The following C8orf74 variants were observed in gnomAD, a reference collection of about 807,000 sequenced individuals.
C8orf74 encodes the protein chromosome 8 open reading frame 74.
Under a neutral mutation model 22.2 loss-of-function variants are expected in C8orf74, and 29 were observed. The observed-to-expected ratio is 1.31, with a 90% CI of 0.97 to 1.78. C8orf74 has a LOEUF of 1.78. Among genes scored for constraint, C8orf74 ranks in the 40% most tolerant of loss-of-function variants. The pLI is 0.00. For missense variants in C8orf74, 515 were observed against 369.9 expected, an observed-to-expected ratio of 1.39 and a Z score of -3.22; for synonymous variants, 255 against 163.1, an observed-to-expected ratio of 1.56 and a Z score of -4.30.
Position 10,700,459 on chromosome 8 carries a change from G to A in C8orf74, c.873G>A (p.Lys291=), listed in dbSNP as rs1217143020. ...GAGCGAGCAAAGGAAAGAAAGCGAA[G>A]GCAAGGAAGTAGAAGGTCCCGACTG... ...PQRASKGKKA[K]ARK The change falls in exon 4 of 4, where the codon AAG becomes AAA. Residue 291 remains lysine, a synonymous_variant. Transcript: ENST00000304519. The A allele has an allele frequency of 1.3e-6, 2 of 1,582,680 alleles. No individual in the cohort carries two copies. Among genetic ancestry groups the A allele is most frequent in the Non-Finnish European group, 1.7e-6 (2 of 1,164,852 alleles).
intron 2 of C8orf74, chr8:10,690,796 CT>C: frequency 2.2e-6 from 1 of 449,288 alleles, no homozygotes; most frequent in Non-Finnish European, 4.5e-6. Context: ...GTGCTGACAT[CT>C]GCCTAGCAAG....
At chr8:10,689,486 C>T (rs928348102) in intron 2 of C8orf74, 2 of 152,102 alleles carry the variant, frequency 1.3e-5, no homozygotes, top group African/African-American at 4.8e-5. Flanking sequence ...ATTTAATCTC[C>T]CTGGATCCAA....
chr8:10,686,795 AAG>A (rs1799270116), intron 2 of C8orf74: 1 of 171,990 alleles, frequency 5.8e-6, no homozygotes, highest in Non-Finnish European at 1.3e-5. Context: ...AGTGGGGAGA[AAG>A]AGGATAAAGC....
Position 10,700,379 on chromosome 8 carries a change from A to AAACCCCCCCC in C8orf74, c.793_794insAACCCCCCCC (p.Ile265LysfsTer58). 1 of 1,592,234 alleles carries AAACCCCCCCC rather than the reference A, an allele frequency of 6.3e-7. No individual in the cohort carries two copies. The highest frequency in any genetic ancestry group is 8.6e-7 in the Non-Finnish European group (1 of 1,165,982). On this transcript the variant is annotated frameshift_variant, in exon 4 of 4. Coordinates refer to ENST00000304519, the MANE Select transcript of C8orf74 (RefSeq NM_001040032.2). LOFTEE classifies it low-confidence loss of function (END_TRUNC). ...TCTGAACCTCAACGCCCCCACCCCTATCCCGCCCCCCATCACCAGCCACGC... is the reference window on the plus strand; with the variant it reads ...TCTGAACCTCAACGCCCCCACCCCTAAACCCCCCCCTCCCGCCCCCCATCACCAGCCACGC...
chr8:10,694,345 A>G (rs964165210), intron 2 of C8orf74, among the ~76,000 whole-genome samples: 9 of 152,192 alleles, frequency 5.9e-5, no homozygotes, highest in African/African-American at 2.2e-4. Flanking sequence ...TAAACTGAAA[A>G]GTATCTGAGA....
chr8:10,677,062 T>C (rs1218616017), intron 2 of C8orf74, among the ~76,000 whole-genome samples: 1 of 152,126 alleles, frequency 6.6e-6, no homozygotes, highest in East Asian at 1.9e-4. Flanking sequence ...TCTCATGGAC[T>C]CACCAACTGA....
intron 2 of C8orf74, among the ~76,000 whole-genome samples, chr8:10,687,748 G>A (rs1163815755): frequency 6.6e-6 from 1 of 151,906 alleles, no homozygotes; most frequent in Non-Finnish European, 1.5e-5. Flanking sequence ...GCACAAATTA[G>A]GAATAACTTA....
At chr8:10,696,436 C>CTTT (rs1799501441) in intron 2 of C8orf74, among the ~76,000 whole-genome samples, 3 of 130,786 alleles carry the variant, frequency 2.3e-5, no homozygotes, top group Admixed American at 7.4e-5. Flanking sequence ...CTTTTCTTTT[C>CTTT]TTTTCTTTTT....
At chr8:10,685,557 C>T (rs1203935512) in intron 2 of C8orf74, among the ~76,000 whole-genome samples, 2 of 152,056 alleles carry the variant, frequency 1.3e-5, no homozygotes, top group Non-Finnish European at 2.9e-5. Context: ...GAATAAATAT[C>T]GTATGAGTCC....
At chr8:10,674,559 T>A in intron 1 of C8orf74, 87 bp from the exon 2 acceptor site, 2 of 388,548 alleles carry the variant, frequency 5.1e-6, no homozygotes, top group Non-Finnish European at 6.7e-6. Context: ...TCACACCCTA[T>A]AGCCCCCATA....
At position 10,700,267 on chromosome 8, in the gene C8orf74, C is replaced by T. The variant is rs781008020; in HGVS notation, c.681C>T (p.His227=). Residue 227 remains histidine, a synonymous_variant, in exon 4 of 4, where the codon CAC becomes CAT. Transcript: ENST00000304519. ...AGAGCCTCATCTGCCAGGCAGTCCA[C>T]ACCCAGATGGAGCTCCTGCAGGAGC... ...ELESLICQAV[H]TQMELLQELL... is the part of the protein sequence containing the mutation. 1.9e-6 allele frequency: 3 copies of T among 1,611,802 alleles called. No individual in the cohort carries two copies. The highest frequency in any genetic ancestry group is 3.3e-5 in the Admixed American group (2 of 59,934).
intron 2 of C8orf74, among the ~76,000 whole-genome samples, chr8:10,695,238 T>A (rs1405782053): frequency 6.6e-6 from 1 of 152,090 alleles, no homozygotes; most frequent in Non-Finnish European, 1.5e-5. Flanking sequence ...GCCTGTGAAG[T>A]CAGTATCACT....
At chr8:10,690,878 C>T (rs866852096) in intron 2 of C8orf74, 1 of 456,240 alleles carries the variant, frequency 2.2e-6, no homozygotes, top group Middle Eastern at 3.3e-4. Context: ...AGGTGCTGGC[C>T]TCCAGGGGCT....
intron 3 of C8orf74, among the ~76,000 whole-genome samples, chr8:10,698,799 G>C (rs1225371180): frequency 6.6e-6 from 1 of 151,968 alleles, no homozygotes; most frequent in Non-Finnish European, 1.5e-5. Flanking sequence ...CATTGGAGTG[G>C]GGGAGTTGCA....
chr8:10,685,772 A>C (rs1008500321), intron 2 of C8orf74, among the ~76,000 whole-genome samples: 7 of 152,232 alleles, frequency 4.6e-5, no homozygotes, highest in Non-Finnish European at 1.0e-4. Flanking sequence ...CTATAAACTT[A>C]AAAATAGTTA....
At chr8:10,684,437 T>G (rs1454064095) in intron 2 of C8orf74, among the ~76,000 whole-genome samples, 1 of 152,198 alleles carries the variant, frequency 6.6e-6, no homozygotes, top group African/African-American at 2.4e-5. Flanking sequence ...TCCATGACAG[T>G]CTTTAAAACA....
At chr8:10,687,102 G>T in intron 2 of C8orf74, 1 of 456,294 alleles carries the variant, frequency 2.2e-6, no homozygotes, top group Non-Finnish European at 4.4e-6. Context: ...AGCCCACACA[G>T]CCCACCAGCT....
chr8:10,689,212 G>C (rs957341382), intron 2 of C8orf74: 5 of 152,206 alleles, frequency 3.3e-5, no homozygotes, highest in Non-Finnish European at 7.3e-5. Context: ...CTCACACCTG[G>C]GCTGAAGCTC....
At chr8:10,683,607 G>C (rs747753332) in intron 2 of C8orf74, among the ~76,000 whole-genome samples, 1 of 152,154 alleles carries the variant, frequency 6.6e-6, no homozygotes, top group Non-Finnish European at 1.5e-5. Flanking sequence ...CACCAAGCTC[G>C]AGTCAGCTGC....
Sources: allele counts gnomAD v4.1 joint callset (sites outside exome capture counted in the v4.1 genomes callset), GRCh38; gene constraint gnomAD v4.1.1; transcripts MANE v1.5; gene names NCBI Gene and HGNC (gene_info 2026-07-23, HGNC 2026-07-21).